The following SH3PXD2A variants were observed in gnomAD, a reference collection of about 807,000 sequenced individuals.
The protein encoded by SH3PXD2A is SH3 and PX domains 2A.
SH3PXD2A carries 32 observed loss-of-function variants against 115.2 expected under a neutral mutation model. The observed-to-expected ratio is 0.28, with a 90% CI of 0.21 to 0.37. SH3PXD2A has a LOEUF of 0.37. SH3PXD2A is among the 10% of genes least tolerant of loss of function. The pLI is 1.00. For missense variants in SH3PXD2A, 1,328 were observed against 1,498.7 expected, an observed-to-expected ratio of 0.89 and a Z score of 1.88; for synonymous variants, 610 against 629.1, an observed-to-expected ratio of 0.97 and a Z score of 0.45.
intron 3 of SH3PXD2A, among the ~76,000 whole-genome samples, chr10:103,751,275 G>A (rs919989778): frequency 1.3e-5 from 2 of 152,196 alleles, no homozygotes; most frequent in Non-Finnish European, 2.9e-5. Flanking sequence ...CATGTATTGA[G>A]CAGCTACTAC....
intron 6 of SH3PXD2A, among the ~76,000 whole-genome samples, chr10:103,670,671 G>T (rs1454957572): frequency 6.6e-6 from 1 of 152,206 alleles, no homozygotes; most frequent in Non-Finnish European, 1.5e-5. Context: ...GACTCCAGGG[G>T]ACCTCACCCA....
chr10:103,853,372 G>A (rs1018835399), intron 1 of SH3PXD2A, among the ~76,000 whole-genome samples: 6 of 152,162 alleles, frequency 3.9e-5, no homozygotes, highest in African/African-American at 9.7e-5. Context: ...AGCTTACTGC[G>A]TGCCAGGAAC....
intron 1 of SH3PXD2A, among the ~76,000 whole-genome samples, chr10:103,835,512 G>A (rs926913222): frequency 6.6e-6 from 1 of 152,220 alleles, no homozygotes; most frequent in Non-Finnish European, 1.5e-5. Flanking sequence ...TCTCCACACG[G>A]TGGAGAAATC....
At chr10:103,607,793 T>G (rs1043961800) in intron 13 of SH3PXD2A, among the ~76,000 whole-genome samples, 94 of 152,298 alleles carry the variant, frequency 6.2e-4, no homozygotes, top group African/African-American at 2.1e-3. Flanking sequence ...GACTTTTCAT[T>G]TTGTTCTGTA....
rs1269620191 is a variant in SH3PXD2A, at chr10:103,627,368, T to C, written c.605-166A>G. Among the ~76,000 whole-genome samples the C allele has an allele frequency of 6.6e-6, 1 of 152,310 alleles. No homozygotes were observed. The highest frequency in any genetic ancestry group is 1.5e-5 in the Non-Finnish European group (1 of 68,026). ...GGCCCAGCTCCAGCCTCGAGGAGCCTGCGTCTGTTCTAAGGCAGAAACGAC... is the reference window on the plus strand; with the variant it reads ...GGCCCAGCTCCAGCCTCGAGGAGCCCGCGTCTGTTCTAAGGCAGAAACGAC... On this transcript the variant is annotated intron_variant, in intron 8 of 14. Transcript: ENST00000369774. This position sits in a 1 kb window ranked among gnomAD's most constrained non-coding sequence, Gnocchi z 4.4.
At position 103,733,488 on chromosome 10, in the gene SH3PXD2A, A is replaced by G. The variant is rs11191787; in HGVS notation, c.306+2244T>C. Among the ~76,000 whole-genome samples, 2,512 of 152,364 alleles carry G rather than the reference A, an allele frequency of 0.016. 237 individuals carry two copies. The East Asian group carries it at 0.29, about 17-fold the overall frequency. On this transcript the variant is annotated intron_variant, in intron 4 of 14. Transcript: ENST00000369774. ...TCTTGAGAAAGGAAAAAAGAGAAAT[A>G]AAAGCTCAGGCTACAGCCATCAATT...
In SH3PXD2A at chr10:103,601,591, G is replaced by A. The variant is rs982697029; in HGVS notation, c.*225C>T. On this transcript the variant is annotated 3_prime_UTR_variant, in exon 15 of 15. Transcript: ENST00000369774. ...TGGGTCCCAGGCCTGGGACTCCCTG[G>A]TCCATTCCCTTCCTCACTCAGTGTG... The A allele has an allele frequency of 1.8e-4, 86 of 488,840 alleles. No individual in the cohort carries two copies. Among genetic ancestry groups the A allele is most frequent in the Middle Eastern group, 5.4e-4 (1 of 1,862 alleles). The allele number at this position is 488,840 out of a possible 1,614,324, so 30.3% of individuals were successfully genotyped here. A position where few individuals can be genotyped will look rare whatever the true frequency, so the allele number is the denominator to read the frequency against.
intron 2 of SH3PXD2A, among the ~76,000 whole-genome samples, chr10:103,787,667 G>A (rs1426216992): frequency 6.6e-6 from 1 of 152,170 alleles, no homozygotes; most frequent in Non-Finnish European, 1.5e-5. Flanking sequence ...GGTGCTGCCG[G>A]GACTGTCTCA....
chr10:103,735,939 G>A, intron 3 of SH3PXD2A, 131 bp from the exon 4 acceptor site: 2 of 776,192 alleles, frequency 2.6e-6, no homozygotes, highest in Admixed American at 3.6e-5. Context: ...CACGGTCAAG[G>A]AAACAAGAGA....
rs1340094970 is a variant in SH3PXD2A at position 103,782,855 on chromosome 10, T to C, written c.154-15686A>G. Among the ~76,000 whole-genome samples, 10 of 131,542 alleles carry C rather than the reference T, an allele frequency of 7.6e-5. 1 individual carries two copies. The South Asian group carries it at 1.9e-3, about 25-fold the overall frequency. The allele number at this position is 131,542 out of a possible 152,430, so 86.3% of individuals were successfully genotyped here. On this transcript the variant is annotated intron_variant, in intron 2 of 14. Transcript: ENST00000369774. ...AAAAAAAAAAAAAAAAAAAAGATAATAACAGGTTGTAATAAGTGTTTTGAA... is the reference window on the plus strand; with the variant it reads ...AAAAAAAAAAAAAAAAAAAAGATAACAACAGGTTGTAATAAGTGTTTTGAA...
At chr10:103,736,060 T>C (rs779293868) in intron 3 of SH3PXD2A, among the ~76,000 whole-genome samples, 1 of 152,196 alleles carries the variant, frequency 6.6e-6, no homozygotes, top group South Asian at 2.1e-4. Flanking sequence ...AATGAGTGAC[T>C]TGGCCAGGCC....
chr10:103,813,365 G>A (rs1423131134), intron 1 of SH3PXD2A, among the ~76,000 whole-genome samples: 2 of 152,178 alleles, frequency 1.3e-5, no homozygotes, highest in African/African-American at 4.8e-5. Context: ...TGCCCAGGCT[G>A]GAGTGCAGTG....
chr10:103,703,530 C>T (rs983640017), intron 5 of SH3PXD2A, among the ~76,000 whole-genome samples: 2 of 152,166 alleles, frequency 1.3e-5, no homozygotes, highest in Admixed American at 1.3e-4. Context: ...CCAGAAAGCC[C>T]ACTCTGATTT....
rs2036190264 is a variant in SH3PXD2A, at chr10:103,599,831, A to G, written c.*1985T>C. ...TACTGTCCAGCAGAAGAAAATAACT[A>G]ATTTCAATTTTAAACAAACTCACAA... On this transcript the variant is annotated 3_prime_UTR_variant, in exon 15 of 15. Transcript: ENST00000369774. 1 of 152,690 alleles carries G rather than the reference A, an allele frequency of 6.5e-6. No individual in the cohort carries two copies. Among genetic ancestry groups the G allele is most frequent in the South Asian group, 2.1e-4 (1 of 4,836 alleles). 9.5% of individuals were successfully genotyped at this position (152,690 alleles called of 1,614,324 possible). A position where few individuals can be genotyped will look rare whatever the true frequency, so the allele number is the denominator to read the frequency against.
At chr10:103,655,771 T>TTA (rs2037202198) in intron 8 of SH3PXD2A, among the ~76,000 whole-genome samples, 1 of 46,188 alleles carries the variant, frequency 2.2e-5, no homozygotes, top group African/African-American at 8.7e-5. Flanking sequence ...AGACCCTGTC[T>TTA]AAAAAAAAAA....
intron 13 of SH3PXD2A, among the ~76,000 whole-genome samples, chr10:103,608,449 AAG>A (rs2036371216): frequency 1.3e-5 from 2 of 150,294 alleles, no homozygotes; most frequent in African/African-American, 4.9e-5. Context: ...AAAAAAAAAA[AAG>A]AAAAATTGTG....
intron 5 of SH3PXD2A, among the ~76,000 whole-genome samples, chr10:103,697,771 GCT>G (rs1055834487): frequency 6.6e-6 from 1 of 152,182 alleles, no homozygotes; most frequent in African/African-American, 2.4e-5. Context: ...CTCCCCGGAT[GCT>G]CTAGTGAAAT....
chr10:103,791,041 GC>G (rs1208374659), intron 2 of SH3PXD2A, among the ~76,000 whole-genome samples: 2 of 152,202 alleles, frequency 1.3e-5, no homozygotes, highest in African/African-American at 2.4e-5. Flanking sequence ...GAGCAGTGAT[GC>G]CCCCAAGGCT....
At chr10:103,676,026 C>T (rs894294060) in intron 6 of SH3PXD2A, among the ~76,000 whole-genome samples, 5 of 151,212 alleles carry the variant, frequency 3.3e-5, no homozygotes, top group Non-Finnish European at 7.4e-5. Context: ...GCAACAAGAG[C>T]GAAACTCCGT....
Sources: gnomAD v4.1 joint callset for allele counts (sites outside exome capture counted in the v4.1 genomes callset) on GRCh38, gnomAD v4.1.1 for gene constraint, Gnocchi (gnomAD v3.1) non-coding constraint, MANE v1.5 for transcripts, NCBI Gene and HGNC (gene_info 2026-07-23, HGNC 2026-07-21) for gene names.